Variants in SESN1 observed in about 807,000 individuals in gnomAD.
The protein encoded by SESN1 is sestrin-1.
A neutral mutation model predicts 59.3 loss-of-function variants in SESN1; 30 were observed. That is an observed-to-expected ratio of 0.51 (90% confidence interval 0.38 to 0.69). The LOEUF (loss-of-function observed/expected upper bound fraction) is 0.69. SESN1 is among the 30% of genes least tolerant of loss of function. SESN1 has a pLI of 0.00. For missense variants in SESN1, 566 were observed against 673.0 expected, an observed-to-expected ratio of 0.84 and a Z score of 1.76; for synonymous variants, 197 against 219.9, an observed-to-expected ratio of 0.90 and a Z score of 0.92.
intron 8 of SESN1, among the ~76,000 whole-genome samples, chr6:108,989,729 GAGA>G (rs1405958008): frequency 4.6e-5 from 7 of 152,132 alleles, no homozygotes; most frequent in African/African-American, 7.2e-5. Context: ...GGGCTGCGAG[GAGA>G]AGGATGGTCT....
At chr6:109,017,411 A>G (rs578059313) in intron 1 of SESN1, among the ~76,000 whole-genome samples, 19 of 152,064 alleles carry the variant, frequency 1.2e-4, no homozygotes, top group African/African-American at 4.6e-4. Flanking sequence ...TCAGCCTCCC[A>G]AGCAGCTGGG....
intron 1 of SESN1, among the ~76,000 whole-genome samples, chr6:109,013,679 T>C (rs2114354003): frequency 6.6e-6 from 1 of 152,358 alleles, no homozygotes; most frequent in East Asian, 1.9e-4. Context: ...AGTAATTGGT[T>C]AGAAAACATA....
At chr6:109,048,106 A>T (rs199662481) in intron 1 of SESN1, among the ~76,000 whole-genome samples, 5,280 of 76,136 alleles carry the variant, frequency 0.069, 149 homozygotes, top group African/African-American at 0.14. Context: ...AAATAAATTA[A>T]AAAAAAAAAA....
chr6:109,056,411 C>T (rs1237038506), intron 1 of SESN1, among the ~76,000 whole-genome samples: 1 of 145,222 alleles, frequency 6.9e-6, no homozygotes, highest in Non-Finnish European at 1.5e-5. Context: ...CTTGGAAAAA[C>T]AACAACAACA....
At chr6:108,995,051 A>C (rs1779475967) in intron 5 of SESN1, among the ~76,000 whole-genome samples, 1 of 152,200 alleles carries the variant, frequency 6.6e-6, no homozygotes, top group Non-Finnish European at 1.5e-5. Flanking sequence ...CTATAATTTT[A>C]ATGTACATGA....
Position 109,008,944 on chromosome 6 carries a change from T to C in SESN1, c.280-6601A>G, listed in dbSNP as rs538051298. 119 of 992,454 alleles carry C rather than the reference T, an allele frequency of 1.2e-4. No homozygotes were observed. In the Middle Eastern group the frequency reaches 2.0e-3, roughly 17 times the overall value. 61.5% of individuals were successfully genotyped at this position (992,454 alleles called of 1,614,324 possible). A position where few individuals can be genotyped will look rare whatever the true frequency, so the allele number is the denominator to read the frequency against. On this transcript the variant is annotated intron_variant, in intron 1 of 9. Coordinates refer to ENST00000436639, the MANE Select transcript of SESN1 (RefSeq NM_014454.3). ...ATGAAGGTGGCTAAATAATCTGTTTTCACAAGACAAGACAATCGAGGGGGC... is the reference window on the plus strand; with the variant it reads ...ATGAAGGTGGCTAAATAATCTGTTTCCACAAGACAAGACAATCGAGGGGGC...
chr6:109,056,950 C>T (rs1219153102), intron 1 of SESN1, among the ~76,000 whole-genome samples: 1 of 152,228 alleles, frequency 6.6e-6, no homozygotes, highest in East Asian at 1.9e-4. Context: ...TCCCCTGACA[C>T]ACACACTCTA....
Position 108,998,857 on chromosome 6 carries a change from C to G in SESN1, c.730-102G>C, listed in dbSNP as rs1779557086. On this transcript the variant is annotated intron_variant, in intron 4 of 9. Transcript: ENST00000436639. ...TTTATTGAAAACATGAGTCATCATA[C>G]AAAGCCTAGCATAAAATTATCATTT... 3.0e-6 allele frequency: 4 copies of G among 1,322,806 alleles called. No individual in the cohort carries two copies. The South Asian group carries it at 4.6e-5, about 15-fold the overall frequency. The allele number at this position is 1,322,806 out of a possible 1,614,324, so 81.9% of individuals were successfully genotyped here.
intron 9 of SESN1, among the ~76,000 whole-genome samples, chr6:108,988,041 GCCTTGGCCTCC>G (rs1294563698): frequency 6.6e-6 from 1 of 152,110 alleles, no homozygotes; most frequent in Non-Finnish European, 1.5e-5. Context: ...TGATCAGCCT[GCCTTGGCCTCC>G]CCAAGTGCTG....
At chr6:109,065,884 T>C (rs760990809) in intron 1 of SESN1, among the ~76,000 whole-genome samples, 2 of 152,016 alleles carry the variant, frequency 1.3e-5, no homozygotes, top group Non-Finnish European at 2.9e-5. Context: ...AATTAGAATC[T>C]AAAACCAATA....
chr6:109,044,557 TAA>T, intron 1 of SESN1, among the ~76,000 whole-genome samples: 1 of 151,964 alleles, frequency 6.6e-6, no homozygotes, highest in African/African-American at 2.4e-5. Flanking sequence ...GAAGAAAACA[TAA>T]GAGAATATCT....
intron 1 of SESN1, among the ~76,000 whole-genome samples, chr6:109,063,598 T>C (rs1392010723): frequency 6.6e-6 from 1 of 152,218 alleles, no homozygotes; most frequent in African/African-American, 2.4e-5. Flanking sequence ...TGAGGTCTTC[T>C]CTGAGATTAA....
chr6:109,044,178 A>G (rs1780385244), intron 1 of SESN1, among the ~76,000 whole-genome samples: 1 of 151,772 alleles, frequency 6.6e-6, no homozygotes, highest in African/African-American at 2.4e-5. Context: ...ATCCAGGCAT[A>G]GTGGCACCTG....
At chr6:108,989,391 C>A (rs535134468) in intron 8 of SESN1, among the ~76,000 whole-genome samples, 148 of 150,910 alleles carry the variant, frequency 9.8e-4, no homozygotes, top group African/African-American at 2.0e-3. Context: ...CTTTCTCTCT[C>A]TCTATATATA....
intron 1 of SESN1, among the ~76,000 whole-genome samples, chr6:109,092,899 A>G (rs189274230): frequency 1.6e-4 from 25 of 152,210 alleles, no homozygotes; most frequent in African/African-American, 5.5e-4. Flanking sequence ...GCCAGTATAT[A>G]AAAACTGTCA....
At chr6:108,994,378 T>A in intron 6 of SESN1, 84 bp downstream of exon 6, 2 of 1,140,846 alleles carry the variant, frequency 1.8e-6, no homozygotes, top group Admixed American at 4.2e-5. Context: ...ATATTTAGAT[T>A]GATGCTTTAA....
rs137991467 is a variant in SESN1 at position 109,072,610 on chromosome 6, T to C, written c.279+21185A>G. Among the ~76,000 whole-genome samples the C allele has an allele frequency of 6.6e-3, 1,004 of 152,324 alleles. 15 individuals are homozygous for C. The highest frequency in any genetic ancestry group is 0.023 in the African/African-American group (954 of 41,576). ...TTTAATAAACAAAACACAGTACTAC[T>C]AAAATGTAAAATGACACAATGGAGA... On this transcript the variant is annotated intron_variant, in intron 1 of 9. Transcript: ENST00000436639.
chr6:109,093,149 G>A (rs535510730), intron 1 of SESN1, among the ~76,000 whole-genome samples: 1 of 152,192 alleles, frequency 6.6e-6, no homozygotes, highest in Non-Finnish European at 1.5e-5. Flanking sequence ...TGCTGCACTC[G>A]TATCTTAAAT....
intron 1 of SESN1, among the ~76,000 whole-genome samples, chr6:109,083,450 T>TA (rs1781157684): frequency 6.6e-6 from 1 of 152,174 alleles, no homozygotes; most frequent in African/African-American, 2.4e-5. Flanking sequence ...AGATAGTAGA[T>TA]ACACACACAT....
Sources: gnomAD v4.1 joint callset for allele counts (sites outside exome capture counted in the v4.1 genomes callset) on GRCh38, gnomAD v4.1.1 for gene constraint, MANE v1.5 for transcripts, NCBI Gene and HGNC (gene_info 2026-07-23, HGNC 2026-07-21) for gene names.